Variants in TOM1 observed in about 807,000 individuals in gnomAD.
The protein encoded by TOM1 is target of myb1 membrane trafficking protein.
TOM1 carries 38 observed loss-of-function variants against 61.3 expected under a neutral mutation model. The observed-to-expected ratio is 0.62, with a 90% CI of 0.48 to 0.81. The LOEUF (loss-of-function observed/expected upper bound fraction) is 0.81, where lower values mean the gene tolerates loss of function less well. Among genes scored for constraint, TOM1 ranks in the 40% least tolerant of loss-of-function variants. The pLI, the probability that TOM1 is intolerant of heterozygous loss-of-function variation, is 0.00. For synonymous variants in TOM1, 270 were observed against 268.8 expected (o/e 1.00, Z -0.04); for missense variants, 591 against 659.6 (o/e 0.90, Z 1.14).
intron 10 of TOM1, among the ~76,000 whole-genome samples, chr22:35,333,919 A>G (rs1017550679): frequency 1.3e-5 from 2 of 152,142 alleles, no homozygotes; most frequent in Non-Finnish European, 1.5e-5. Context: ...CACTGTTATC[A>G]CTGTGATAGG....
At chr22:35,326,818 G>T (rs988849720) in intron 6 of TOM1, among the ~76,000 whole-genome samples, 1 of 151,722 alleles carries the variant, frequency 6.6e-6, no homozygotes, top group Non-Finnish European at 1.5e-5. Context: ...AGGAGAGAGA[G>T]GGGGGGATCC....
chr22:35,334,551 C>T, intron 11 of TOM1, 103 bp downstream of exon 11: 1 of 1,428,612 alleles, frequency 7.0e-7, no homozygotes, highest in South Asian at 1.2e-5. Context: ...GCACACGGAC[C>T]CTGCTTAGTA....
At chr22:35,303,698 A>G (rs1926059866) in intron 1 of TOM1, among the ~76,000 whole-genome samples, 1 of 152,042 alleles carries the variant, frequency 6.6e-6, no homozygotes, top group Admixed American at 6.6e-5. Context: ...GGGTTTCACC[A>G]TGTTAGCCAA....
chr22:35,305,472 C>A (rs547534576), intron 1 of TOM1, among the ~76,000 whole-genome samples: 1 of 152,076 alleles, frequency 6.6e-6, no homozygotes, highest in East Asian at 1.9e-4. Flanking sequence ...CCATCCTGGC[C>A]AACATGGTGA....
chr22:35,339,245 C>T (rs375322570), intron 12 of TOM1, among the ~76,000 whole-genome samples: 1 of 152,088 alleles, frequency 6.6e-6, no homozygotes, highest in African/African-American at 2.4e-5. Flanking sequence ...GCAGGAGAAT[C>T]GCTTGAACCC....
chr22:35,309,700 GACA>G (rs1472199895), intron 1 of TOM1, among the ~76,000 whole-genome samples: 2 of 151,484 alleles, frequency 1.3e-5, no homozygotes, highest in African/African-American at 4.8e-5. Context: ...CCCTTTGAGT[GACA>G]ACATCTGTGT....
At chr22:35,326,760 G>A (rs1407744917) in intron 6 of TOM1, among the ~76,000 whole-genome samples, 1 of 151,180 alleles carries the variant, frequency 6.6e-6, no homozygotes, top group African/African-American at 2.4e-5. Flanking sequence ...GAGACGGCGG[G>A]ATCCCAGTCC....
chr22:35,323,270 C>T lies in TOM1; in HGVS notation c.366+93C>T, dbSNP rs1927990602. ...GAGAGTCGAGGCCATCGTGTTTGTC[C>T]CAGGCTCCGCTTCTCATTTCGGGGC... On this transcript the variant is annotated intron_variant, in intron 4 of 14. Coordinates refer to ENST00000449058, the MANE Select transcript of TOM1 (RefSeq NM_005488.3). This position sits in a 1 kb window ranked among gnomAD's most constrained non-coding sequence, Gnocchi z 4.2. 6.6e-7 allele frequency: 1 copy of T among 1,514,570 alleles called. No individual in the cohort carries two copies. The highest frequency in any genetic ancestry group is 1.4e-5 in the African/African-American group (1 of 71,470). The allele number at this position is 1,514,570 out of a possible 1,614,324, so 93.8% of individuals were successfully genotyped here.
intron 1 of TOM1, among the ~76,000 whole-genome samples, chr22:35,315,641 G>A (rs575372014): frequency 1.2e-4 from 18 of 152,276 alleles, no homozygotes; most frequent in Non-Finnish European, 2.2e-4. Flanking sequence ...TGCCTCAGCC[G>A]CCTGGCATGT....
intron 11 of TOM1, 127 bp downstream of exon 11, chr22:35,334,575 T>C (rs1446797108): frequency 8.5e-7 from 1 of 1,180,024 alleles, no homozygotes; most frequent in Admixed American, 2.0e-5. Context: ...ACGCCCTTAG[T>C]ATCCCCTAAG....
chr22:35,331,274 T>C (rs1202381782), intron 8 of TOM1: 5 of 369,746 alleles, frequency 1.4e-5, no homozygotes, highest in South Asian at 5.7e-5. Context: ...TTTCTTTTCT[T>C]TTTTTTTTTT....
chr22:35,342,103 T>C (rs1929923639), intron 12 of TOM1, among the ~76,000 whole-genome samples: 1 of 152,004 alleles, frequency 6.6e-6, no homozygotes, highest in Admixed American at 6.6e-5. Flanking sequence ...ACTGTACCAC[T>C]GCACTCCAGC....
rs566730261 is a variant in TOM1 at position 35,338,429 on chromosome 22, A to T, written c.1149-284A>T. 2.4e-4 allele frequency among the ~76,000 whole-genome samples: 36 copies of T among 152,302 alleles called. No homozygotes were observed. In the South Asian group the frequency reaches 7.0e-3, roughly 30 times the overall value. ...GAGCCTACGGGCACTGGAGCTATTT[A>T]TCAGTCTCCTGAGTTTGGCCAATCC... On this transcript the variant is annotated intron_variant, in intron 11 of 14. Coordinates refer to ENST00000449058, the MANE Select transcript of TOM1 (RefSeq NM_005488.3).
intron 1 of TOM1, 35 bp from the exon 2 acceptor site, chr22:35,317,842 C>G (rs1265369124): frequency 1.3e-6 from 2 of 1,565,142 alleles, no homozygotes; most frequent in Admixed American, 1.7e-5. Flanking sequence ...ATTCAGGACC[C>G]CCTCATGACT....
Position 35,346,989 on chromosome 22 carries a change from C to A in TOM1, c.1324+20C>A. ...GCGAAGGTAGTAGTCCCCGCCCCTG[C>A]CCGCCCTCTCCTTTCCCCAGGGCTC... On this transcript the variant is annotated intron_variant, in intron 14 of 14. Transcript: ENST00000449058. 1 of 1,585,950 alleles carries A rather than the reference C, an allele frequency of 6.3e-7. No homozygotes were observed. Among genetic ancestry groups the A allele is most frequent in the Non-Finnish European group, 8.6e-7 (1 of 1,158,276 alleles).
chr22:35,330,596 A>G, intron 8 of TOM1, 116 bp downstream of exon 8: 1 of 1,091,924 alleles, frequency 9.2e-7, no homozygotes, highest in South Asian at 1.6e-5. Context: ...CCTCTCAAAC[A>G]CAAGGCAGGC....
intron 1 of TOM1, among the ~76,000 whole-genome samples, chr22:35,308,198 G>C (rs1926494951): frequency 6.6e-6 from 1 of 151,488 alleles, no homozygotes; most frequent in African/African-American, 2.4e-5. Flanking sequence ...AATTCCTTAA[G>C]CGCTCGCTCT....
At chr22:35,318,352 C>T (rs561362539) in intron 2 of TOM1, 28 of 208,178 alleles carry the variant, frequency 1.3e-4, no homozygotes, top group Non-Finnish European at 2.0e-4. Context: ...GGCTTTTCTG[C>T]GAGCAAAAAC....
At chr22:35,332,935 C>G (rs956197991) in intron 8 of TOM1, 46 bp from the exon 9 acceptor site, 2 of 1,604,982 alleles carry the variant, frequency 1.2e-6, no homozygotes, top group Non-Finnish European at 1.7e-6. Context: ...TGTGTGGGGG[C>G]CTGTCTCAGT....
Sources: allele counts gnomAD v4.1 joint callset (sites outside exome capture counted in the v4.1 genomes callset), GRCh38; gene constraint gnomAD v4.1.1; non-coding constraint Gnocchi (gnomAD v3.1); transcripts MANE v1.5; gene names NCBI Gene and HGNC (gene_info 2026-07-23, HGNC 2026-07-21).